GRIK2: variants seen among roughly 807,000 people sequenced by gnomAD.
GRIK2 encodes the protein glutamate ionotropic receptor kainate type subunit 2, also known as glutamate receptor ionotropic, kainate 2.
Under a neutral mutation model 100.3 loss-of-function variants are expected in GRIK2, and 32 were observed. That is an observed-to-expected ratio of 0.32 (90% confidence interval 0.24 to 0.43). The LOEUF (loss-of-function observed/expected upper bound fraction) is 0.43. Among genes scored for constraint, GRIK2 ranks in the 20% least tolerant of loss-of-function variants. The pLI, the probability that GRIK2 is intolerant of heterozygous loss-of-function variation, is 1.00. For synonymous variants in GRIK2, 417 were observed against 389.4 expected (o/e 1.07, Z -0.83); for missense variants, 843 against 1,114.9 (o/e 0.76, Z 3.47).
chr6:101,971,333 T>G (rs2128485910), intron 14 of GRIK2, among the ~76,000 whole-genome samples: 2 of 152,176 alleles, frequency 1.3e-5, no homozygotes, highest in Middle Eastern at 6.8e-3. Flanking sequence ...ATAAATGTAA[T>G]CTTCTTGTAA....
intron 12 of GRIK2, among the ~76,000 whole-genome samples, chr6:101,895,329 G>T (rs192948531): frequency 1.2e-3 from 182 of 151,630 alleles, no homozygotes; most frequent in Non-Finnish European, 2.4e-3. Flanking sequence ...AGTGGGTTAG[G>T]CAGCAGGGCA....
intron 3 of GRIK2, among the ~76,000 whole-genome samples, chr6:101,625,689 T>C (rs988015765): frequency 6.6e-6 from 1 of 152,170 alleles, no homozygotes; most frequent in African/African-American, 2.4e-5. Context: ...GTGGTTATTA[T>C]TGATATGAAT....
At chr6:101,510,841 A>C (rs1774278265) in intron 2 of GRIK2, among the ~76,000 whole-genome samples, 1 of 151,830 alleles carries the variant, frequency 6.6e-6, no homozygotes, top group Non-Finnish European at 1.5e-5. Context: ...TCTTTAAACA[A>C]AAAAATAGGG....
At chr6:101,510,111 A>G (rs1027758550) in intron 2 of GRIK2, among the ~76,000 whole-genome samples, 5 of 152,214 alleles carry the variant, frequency 3.3e-5, no homozygotes, top group Non-Finnish European at 7.3e-5. Context: ...TTAAAGAGAT[A>G]TAGGTAAACA....
chr6:101,977,586 C>T (rs147292554), intron 14 of GRIK2, among the ~76,000 whole-genome samples: 1 of 152,032 alleles, frequency 6.6e-6, no homozygotes, highest in African/African-American at 2.4e-5. Flanking sequence ...TTATAGACCT[C>T]ACCATATTTA....
chr6:102,056,451 G>C (rs1043300455), intron 16 of GRIK2, among the ~76,000 whole-genome samples: 14 of 151,826 alleles, frequency 9.2e-5, no homozygotes, highest in African/African-American at 3.1e-4. Context: ...ACAGTTTAAA[G>C]TCTTCTAGTA....
chr6:101,442,757 T>C (rs1770150163), intron 2 of GRIK2, among the ~76,000 whole-genome samples: 1 of 152,224 alleles, frequency 6.6e-6, no homozygotes, highest in South Asian at 2.1e-4. Context: ...AGCCAATACA[T>C]AAATGATTGG....
intron 2 of GRIK2, among the ~76,000 whole-genome samples, chr6:101,541,408 ACACACACACATACACACACACT>A (rs761415119): frequency 0.063 from 9,401 of 148,670 alleles, 386 homozygotes; most frequent in Non-Finnish European, 0.068. Flanking sequence ...ACACACACAC[ACACACACACATACACACACACT>A]ACACCCTTAT....
chr6:102,068,922 CTG>C lies in GRIK2; in HGVS notation c.*413_*414del. The C allele has an allele frequency of 6.0e-6, 1 of 167,068 alleles. No homozygotes were observed. Among genetic ancestry groups the C allele is most frequent in the Non-Finnish European group, 1.3e-5 (1 of 76,826 alleles). 10.3% of individuals were successfully genotyped at this position (167,068 alleles called of 1,614,324 possible). A position where few individuals can be genotyped will look rare whatever the true frequency, so the allele number is the denominator to read the frequency against. On this transcript the variant is annotated 3_prime_UTR_variant, in exon 17 of 17. Transcript: ENST00000369134. ...TATAAATATTTGGAATCAGCAAAAA[CTG>C]TAGTGTTACAGGAAACAGTACAGTC...
intron 11 of GRIK2, among the ~76,000 whole-genome samples, chr6:101,880,064 C>A (rs2128452832): frequency 6.6e-6 from 1 of 152,140 alleles, no homozygotes; most frequent in East Asian, 1.9e-4. Flanking sequence ...CTGTGGCTAT[C>A]TAGTGTCAGA....
At chr6:102,008,238 G>A (rs1795344200) in intron 14 of GRIK2, among the ~76,000 whole-genome samples, 2 of 152,036 alleles carry the variant, frequency 1.3e-5, no homozygotes, top group African/African-American at 4.8e-5. Context: ...GATAGAAAAA[G>A]ACAAGAAAGA....
At chr6:101,813,782 G>T (rs1486223597) in intron 9 of GRIK2, among the ~76,000 whole-genome samples, 4 of 151,896 alleles carry the variant, frequency 2.6e-5, no homozygotes, top group Non-Finnish European at 4.4e-5. Context: ...TGGCCAATAT[G>T]GTGAAACCCA....
intron 2 of GRIK2, among the ~76,000 whole-genome samples, chr6:101,535,931 G>C (rs9390755): frequency 0.17 from 25,590 of 151,440 alleles, 2,543 homozygotes; most frequent in South Asian, 0.31. Context: ...CAGAGATACT[G>C]TATATAGCCT....
chr6:102,024,300 A>G (rs560178467), intron 14 of GRIK2, among the ~76,000 whole-genome samples: 44 of 151,308 alleles, frequency 2.9e-4, no homozygotes, highest in African/African-American at 1.0e-3. Context: ...CAGAAATTTT[A>G]TGATTTGGCT....
At chr6:101,994,593 T>C (rs1794552866) in intron 14 of GRIK2, among the ~76,000 whole-genome samples, 2 of 151,854 alleles carry the variant, frequency 1.3e-5, no homozygotes, top group East Asian at 1.9e-4. Context: ...TTCTGACTTA[T>C]AAAGGGGAAA....
At chr6:101,729,527 T>G (rs998526313) in intron 7 of GRIK2, among the ~76,000 whole-genome samples, 1 of 151,974 alleles carries the variant, frequency 6.6e-6, no homozygotes, top group Admixed American at 6.6e-5. Flanking sequence ...ATTGCACATA[T>G]AGGAATTTTC....
At chr6:101,681,749 G>C (rs571231233) in intron 5 of GRIK2, among the ~76,000 whole-genome samples, 1 of 152,120 alleles carries the variant, frequency 6.6e-6, no homozygotes, top group East Asian at 1.9e-4. Context: ...CTTTTGGAAG[G>C]CTATTAGATG....
chr6:101,481,201 A>G (rs1772510155), intron 2 of GRIK2, among the ~76,000 whole-genome samples: 2 of 152,172 alleles, frequency 1.3e-5, no homozygotes, highest in Admixed American at 1.3e-4. Flanking sequence ...ATTAGAAGCT[A>G]ATAGTATTAT....
At chr6:101,817,177 T>G (rs922692680) in intron 9 of GRIK2, among the ~76,000 whole-genome samples, 1 of 152,130 alleles carries the variant, frequency 6.6e-6, no homozygotes, top group Non-Finnish European at 1.5e-5. Flanking sequence ...ATTACTTGAC[T>G]TTTTCCTTCC....
Sources: gnomAD v4.1 joint callset for allele counts (sites outside exome capture counted in the v4.1 genomes callset) on GRCh38, gnomAD v4.1.1 for gene constraint, MANE v1.5 for transcripts, NCBI Gene and HGNC (gene_info 2026-07-23, HGNC 2026-07-21) for gene names.